The following CLOCK variants were observed in gnomAD, a reference collection of about 807,000 sequenced individuals.
CLOCK encodes circadian locomoter output cycles protein kaput.
Under a neutral mutation model 118.4 loss-of-function variants are expected in CLOCK, and 43 were observed. The observed-to-expected ratio is 0.36, with a 90% CI of 0.28 to 0.47. The LOEUF is 0.47. CLOCK is among the 20% of genes least tolerant of loss of function. The pLI is 1.00. For synonymous variants in CLOCK, 326 were observed against 339.2 expected (o/e 0.96, Z 0.43); for missense variants, 846 against 999.9 (o/e 0.85, Z 2.08).
chr4:55,529,291 T>C (rs571464102), intron 1 of CLOCK, among the ~76,000 whole-genome samples: 37 of 152,302 alleles, frequency 2.4e-4, no homozygotes, highest in African/African-American at 7.9e-4. Context: ...CCCAAGTAGC[T>C]AGGACTATAG....
At chr4:55,450,584 A>G (rs573515819) in intron 15 of CLOCK, among the ~76,000 whole-genome samples, 3 of 152,298 alleles carry the variant, frequency 2.0e-5, no homozygotes, top group South Asian at 2.1e-4. Flanking sequence ...CCTGGCCAAC[A>G]GGGTGAAACC....
intron 1 of CLOCK, among the ~76,000 whole-genome samples, chr4:55,531,502 C>T (rs907099032): frequency 2.6e-5 from 4 of 151,614 alleles, no homozygotes; most frequent in Admixed American, 2.0e-4. Context: ...GTCAAGAGAT[C>T]GAGACCATCC....
rs868144876 is a variant in CLOCK, at chr4:55,503,989, A to G, written c.-136+5923T>C. Among the ~76,000 whole-genome samples, 7 of 146,680 alleles carry G rather than the reference A, an allele frequency of 4.8e-5. 1 individual carries two copies. Among genetic ancestry groups the G allele is most frequent in the South Asian group, 2.2e-4 (1 of 4,562 alleles). On this transcript the variant is annotated intron_variant, in intron 2 of 22. Coordinates refer to ENST00000513440, the MANE Select transcript of CLOCK (RefSeq NM_004898.4). Reference sequence around the variant, plus strand: ...TTGGCAAAAAGAGGTAAAAAAAAAAAAAAAAAAAAAAAAAGCCGGGCACAG... The same window carrying G: ...TTGGCAAAAAGAGGTAAAAAAAAAAGAAAAAAAAAAAAAAGCCGGGCACAG...
intron 1 of CLOCK, among the ~76,000 whole-genome samples, chr4:55,537,698 G>A (rs1322805268): frequency 6.6e-6 from 1 of 152,168 alleles, no homozygotes; most frequent in Non-Finnish European, 1.5e-5. Flanking sequence ...GGAGGCTGAG[G>A]TGGGAGGATC....
chr4:55,477,636 T>A (rs114470054), intron 6 of CLOCK, among the ~76,000 whole-genome samples: 1,799 of 152,188 alleles, frequency 0.012, 15 homozygotes, highest in Middle Eastern at 0.054. Context: ...AAAAGAAAGA[T>A]CTAGAAGTTA....
intron 1 of CLOCK, among the ~76,000 whole-genome samples, chr4:55,537,391 A>C (rs2110105772): frequency 6.6e-6 from 1 of 152,108 alleles, no homozygotes; most frequent in Non-Finnish European, 1.5e-5. Flanking sequence ...GGCTGAGGCA[A>C]GTGGATTGCC....
At chr4:55,476,159 G>A (rs9312661) in intron 6 of CLOCK, 105 bp from the exon 7 acceptor site, 294,073 of 764,306 alleles carry the variant, frequency 0.38, 59,600 homozygotes, top group East Asian at 0.61. Flanking sequence ...GATGACAACC[G>A]TAGGCATTAA....
chr4:55,454,613 C>CAAAAAAA (rs10566273), intron 13 of CLOCK, among the ~76,000 whole-genome samples: 2 of 69,490 alleles, frequency 2.9e-5, no homozygotes, highest in Non-Finnish European at 4.9e-5. Context: ...GACTCCATCC[C>CAAAAAAA]AAAAAAAAAA....
chr4:55,455,078 A>G (rs1724820447), intron 13 of CLOCK, among the ~76,000 whole-genome samples: 1 of 152,202 alleles, frequency 6.6e-6, no homozygotes, highest in South Asian at 2.1e-4. Flanking sequence ...TCATACAGTG[A>G]GGTTTATAAC....
chr4:55,542,376 ATAATATTATTAT>A (rs1189323776), intron 1 of CLOCK, among the ~76,000 whole-genome samples: 74 of 51,624 alleles, frequency 1.4e-3, no homozygotes, highest in African/African-American at 2.3e-3. Context: ...AATAATAATA[ATAATATTATTAT>A]TATTATTATT....
intron 3 of CLOCK, among the ~76,000 whole-genome samples, chr4:55,483,358 C>A (rs981923924): frequency 2.0e-5 from 3 of 152,010 alleles, no homozygotes; most frequent in African/African-American, 7.3e-5. Flanking sequence ...TTATGTCTAC[C>A]CGTGGGAATT....
Position 55,433,681 on chromosome 4 carries a change from A to G in CLOCK, c.*1734T>C, listed in dbSNP as rs1722669358. The G allele has an allele frequency of 6.6e-6, 1 of 152,188 alleles. No individual in the cohort carries two copies. Among genetic ancestry groups the G allele is most frequent in the African/African-American group, 2.4e-5 (1 of 41,454 alleles). 9.4% of individuals were successfully genotyped at this position (152,188 alleles called of 1,614,324 possible). On this transcript the variant is annotated 3_prime_UTR_variant, in exon 23 of 23. Coordinates refer to ENST00000513440, the MANE Select transcript of CLOCK (RefSeq NM_004898.4). Reference sequence around the variant, plus strand: ...ATATTCTAATAATGTATTTTCTACTAATCCTCTTTTGTTCTATCACTGTAA... The same window carrying G: ...ATATTCTAATAATGTATTTTCTACTGATCCTCTTTTGTTCTATCACTGTAA...
At chr4:55,536,307 G>C (rs1379251181) in intron 1 of CLOCK, among the ~76,000 whole-genome samples, 1 of 152,150 alleles carries the variant, frequency 6.6e-6, no homozygotes, top group East Asian at 1.9e-4. Flanking sequence ...CATAATTTAA[G>C]ATGATGGGCT....
chr4:55,492,717 C>T (rs1038946447), intron 2 of CLOCK, among the ~76,000 whole-genome samples: 4 of 151,934 alleles, frequency 2.6e-5, no homozygotes, highest in South Asian at 4.1e-4. Context: ...TGGTGGCACA[C>T]GCCTGTAATC....
In CLOCK at chr4:55,428,126, A is replaced by G. The variant is rs1033396073; in HGVS notation, c.*7289T>C. On this transcript the variant is annotated 3_prime_UTR_variant, in exon 23 of 23. Transcript: ENST00000513440. The stretch of plus-strand genomic sequence containing the variant: ...ACTGCTACTGCTTGGCTCTTTTGCT[A>G]TAAGTTTAGGTTCTGAATACATGAC... The G allele has an allele frequency of 5.3e-5, 8 of 152,222 alleles. No homozygotes were observed. Among genetic ancestry groups the G allele is most frequent in the Non-Finnish European group, 1.0e-4 (7 of 68,040 alleles). The allele number at this position is 152,222 out of a possible 1,614,324, so 9.4% of individuals were successfully genotyped here.
intron 1 of CLOCK, among the ~76,000 whole-genome samples, chr4:55,529,996 A>T (rs1409357465): frequency 6.6e-6 from 1 of 152,260 alleles, no homozygotes; most frequent in Non-Finnish European, 1.5e-5. Context: ...AGAAATGAGG[A>T]TCAATCAAGA....
intron 15 of CLOCK, among the ~76,000 whole-genome samples, chr4:55,451,249 T>A (rs1328825030): frequency 6.6e-6 from 1 of 152,194 alleles, no homozygotes; most frequent in East Asian, 1.9e-4. Context: ...ATGAATTAAA[T>A]GTTAAAGTTA....
chr4:55,463,573 G>T, intron 9 of CLOCK, 112 bp downstream of exon 9: 2 of 953,786 alleles, frequency 2.1e-6, no homozygotes, highest in Non-Finnish European at 3.3e-6. Flanking sequence ...GACCTAATAG[G>T]GCATATGGAG....
At chr4:55,454,207 C>T (rs923825723) in intron 13 of CLOCK, among the ~76,000 whole-genome samples, 1 of 152,152 alleles carries the variant, frequency 6.6e-6, no homozygotes, top group Non-Finnish European at 1.5e-5. Flanking sequence ...TAATTTTAAA[C>T]CTTAACTAAC....
Sources: allele counts gnomAD v4.1 joint callset (sites outside exome capture counted in the v4.1 genomes callset), GRCh38; gene constraint gnomAD v4.1.1; transcripts MANE v1.5; gene names NCBI Gene and HGNC (gene_info 2026-07-23, HGNC 2026-07-21).